The following KDM5B variants were observed in gnomAD, a reference collection of about 807,000 sequenced individuals.
The protein encoded by KDM5B is lysine demethylase 5B, also known as lysine-specific demethylase 5B.
KDM5B carries 144 observed loss-of-function variants against 193.4 expected under a neutral mutation model. The observed-to-expected ratio is 0.74, with a 90% CI of 0.65 to 0.86. The LOEUF is 0.86. Ranked by LOEUF, KDM5B falls within the 40% of genes least tolerant of loss-of-function variation. The pLI is 0.00. For synonymous variants in KDM5B, 668 were observed against 682.6 expected (o/e 0.98, Z 0.33); for missense variants, 1,833 against 1,886.9 (o/e 0.97, Z 0.53).
chr1:202,758,379 A>G lies in KDM5B; in HGVS notation c.1197+12T>C, dbSNP rs372101151. The G allele has an allele frequency of 6.2e-6, 10 of 1,602,614 alleles. No homozygotes were observed. The highest frequency in any genetic ancestry group is 1.3e-5 in the African/African-American group (1 of 74,760). On this transcript the variant is annotated intron_variant, in intron 9 of 26. Coordinates refer to ENST00000367265, the MANE Select transcript of KDM5B (RefSeq NM_006618.5). ...TTAAAATCCTAAATCAAAGCAGTAT[A>G]TATGTACATACATGGACTGGCATGT...
At chr1:202,783,789 G>T (rs1572764366) in intron 1 of KDM5B, among the ~76,000 whole-genome samples, 1 of 152,224 alleles carries the variant, frequency 6.6e-6, no homozygotes, top group South Asian at 2.1e-4. Context: ...ACTGAGGTAG[G>T]AGAATGGTGT....
rs373598182 is a variant in KDM5B, at chr1:202,783,653, G to A, written c.205-6559C>T. On this transcript the variant is annotated intron_variant, in intron 1 of 26. Coordinates refer to ENST00000367265, the MANE Select transcript of KDM5B (RefSeq NM_006618.5). ...AGCACTTCGGGAGGCCGAGGCAGGC[G>A]GATCATGAGGTCAGGAGATCAAGAC... Among the ~76,000 whole-genome samples, 20 of 152,270 alleles carry A rather than the reference G, an allele frequency of 1.3e-4. 1 individual carries two copies. The highest frequency in any genetic ancestry group is 6.5e-4 in the Admixed American group (10 of 15,296).
intron 11 of KDM5B, among the ~76,000 whole-genome samples, chr1:202,753,429 AG>A (rs1454368865): frequency 6.6e-6 from 1 of 152,162 alleles, no homozygotes; most frequent in Non-Finnish European, 1.5e-5. Flanking sequence ...CAGGAGGTGG[AG>A]GATCCAGTGA....
chr1:202,784,705 C>CT (rs1277483181), intron 1 of KDM5B, among the ~76,000 whole-genome samples: 1 of 152,134 alleles, frequency 6.6e-6, no homozygotes, highest in Non-Finnish European at 1.5e-5. Context: ...TGATAGGTGT[C>CT]TATCAGAAAA....
chr1:202,726,029 C>T lies in KDM5B; in HGVS notation c.*3007G>A, dbSNP rs1047412772. 2 of 152,188 alleles carry T rather than the reference C, an allele frequency of 1.3e-5. No homozygotes were observed. The highest frequency in any genetic ancestry group is 2.9e-5 in the Non-Finnish European group (2 of 68,048). 9.4% of individuals were successfully genotyped at this position (152,188 alleles called of 1,614,324 possible). ...ATTACAAAGGGCCTTCAGAGTACAACCCAAATCAGTAGAGAGCCATGTTTC... is the reference window on the plus strand; with the variant it reads ...ATTACAAAGGGCCTTCAGAGTACAATCCAAATCAGTAGAGAGCCATGTTTC... On this transcript the variant is annotated 3_prime_UTR_variant, in exon 27 of 27. Transcript: ENST00000367265.
At chr1:202,735,181 C>T (rs1655046143) in intron 22 of KDM5B, among the ~76,000 whole-genome samples, 1 of 152,224 alleles carries the variant, frequency 6.6e-6, no homozygotes, top group Non-Finnish European at 1.5e-5. Context: ...AACCCACAGG[C>T]ACTAAACAAG....
intron 1 of KDM5B, among the ~76,000 whole-genome samples, chr1:202,801,831 TAAGAA>T (rs1353530311): frequency 2.0e-5 from 3 of 152,176 alleles, no homozygotes; most frequent in African/African-American, 7.2e-5. Context: ...GGCAGCAGCC[TAAGAA>T]TATGGCTTTC....
rs1263434981 is a variant in KDM5B at position 202,740,688 on chromosome 1, C to T, written c.3070G>A (p.Val1024Ile). 6.2e-7 allele frequency: 1 copy of T among 1,612,076 alleles called. No homozygotes were observed. ...VQRARDWLQD[V>I]EGLQAGGRVP... ...TTAAAACCAACCTGCAGGCCCTCTA[C>T]ATCCTGAAGCCAGTCTCTGGCTCTC... The change falls in exon 20 of 27, where the codon GTA (valine) becomes ATA (isoleucine). Residue 1024 changes from valine (V) to isoleucine (I), a missense_variant. Transcript: ENST00000367265.
intron 1 of KDM5B, among the ~76,000 whole-genome samples, chr1:202,794,646 A>C (rs1657765156): frequency 6.6e-6 from 1 of 152,206 alleles, no homozygotes. Flanking sequence ...GGAGTGTCTT[A>C]ATACATTTAG....
At chr1:202,785,079 G>GT (rs774708103) in intron 1 of KDM5B, among the ~76,000 whole-genome samples, 70 of 151,622 alleles carry the variant, frequency 4.6e-4, no homozygotes, top group Non-Finnish European at 9.3e-4. Flanking sequence ...AAATATAAAG[G>GT]TTTTTTCATT....
intron 1 of KDM5B, among the ~76,000 whole-genome samples, chr1:202,783,407 G>A (rs769053358): frequency 2.0e-5 from 3 of 150,804 alleles, no homozygotes; most frequent in Non-Finnish European, 4.4e-5. Context: ...CAGGAGGCTG[G>A]GGTGGGAGGA....
rs189548391 is a variant in KDM5B, at chr1:202,791,624, C to A, written c.205-14530G>T. ...CCTCTCATCCATCTCCATATCCCCC[C>A]AACCTTTAACCACTCGGTACATAAC... On this transcript the variant is annotated intron_variant, in intron 1 of 26. Transcript: ENST00000367265. Among the ~76,000 whole-genome samples, 140 of 152,292 alleles carry A rather than the reference C, an allele frequency of 9.2e-4. No homozygotes were observed. In the Middle Eastern group the frequency reaches 0.01, roughly 11 times the overall value.
At position 202,773,272 on chromosome 1, in the gene KDM5B, C is replaced by A; in HGVS notation, c.422G>T (p.Gly141Val). Reference protein sequence around the residue: ...FQLNKLVAEEGGFAVVCKDRK... With the variant: ...FQLNKLVAEEVGFAVVCKDRK... ...ATCCTTGCAAACAACTGCAAATCCA[C>A]CTTCTTCTGCAACTAACTGTTAAAA... The change falls in exon 4 of 27, where the codon GGT becomes GTT. Residue 141 changes from glycine to valine, a missense_variant. Transcript: ENST00000367265. 1 of 1,613,990 alleles carries A rather than the reference C, an allele frequency of 6.2e-7. No individual in the cohort carries two copies. Among genetic ancestry groups the A allele is most frequent in the South Asian group, 1.1e-5 (1 of 91,046 alleles).
At chr1:202,753,276 T>C (rs958432326) in intron 11 of KDM5B, among the ~76,000 whole-genome samples, 1 of 152,046 alleles carries the variant, frequency 6.6e-6, no homozygotes, top group Non-Finnish European at 1.5e-5. Context: ...GGCGGGTAGA[T>C]CACGAGGTCA....
intron 1 of KDM5B, among the ~76,000 whole-genome samples, chr1:202,782,111 T>C (rs1035919152): frequency 1.3e-5 from 2 of 152,162 alleles, no homozygotes; most frequent in Non-Finnish European, 2.9e-5. Context: ...ACAGTGGGTA[T>C]AAATATGTTT....
intron 1 of KDM5B, among the ~76,000 whole-genome samples, chr1:202,799,382 G>C (rs1040410481): frequency 1.3e-5 from 2 of 152,034 alleles, no homozygotes; most frequent in African/African-American, 4.8e-5. Context: ...ACCCGGGCGC[G>C]GTGGCTCGCG....
intron 1 of KDM5B, among the ~76,000 whole-genome samples, chr1:202,787,016 T>G (rs551319579): frequency 1.3e-5 from 2 of 152,106 alleles, no homozygotes; most frequent in African/African-American, 4.8e-5. Flanking sequence ...CAAGTTTCCC[T>G]TTTTTTTCTT....
chr1:202,764,550 G>A lies in KDM5B; in HGVS notation c.712-405C>T, dbSNP rs144883947. On this transcript the variant is annotated intron_variant, in intron 5 of 26. Transcript: ENST00000367265. The stretch of plus-strand genomic sequence containing the variant: ...CTTGGGAGGCTGAGGCAGGAGAATC[G>A]CTTGAACCTGGGAGATGGAGGCTGC... 4.3e-3 allele frequency among the ~76,000 whole-genome samples: 656 copies of A among 152,176 alleles called. 3 individuals are homozygous for A. In the Middle Eastern group the frequency reaches 0.065, roughly 15 times the overall value.
chr1:202,788,247 C>T (rs373548720), intron 1 of KDM5B, among the ~76,000 whole-genome samples: 2 of 152,142 alleles, frequency 1.3e-5, no homozygotes, highest in Admixed American at 6.6e-5. Flanking sequence ...CCTGAAAATA[C>T]CAACACAATC....
Sources: allele counts gnomAD v4.1 joint callset (sites outside exome capture counted in the v4.1 genomes callset), GRCh38; gene constraint gnomAD v4.1.1; transcripts MANE v1.5; gene names NCBI Gene and HGNC (gene_info 2026-07-23, HGNC 2026-07-21).